ADAMTSL5: variants seen among roughly 807,000 people sequenced by gnomAD.
The protein encoded by ADAMTSL5 is ADAMTS like 5.
In ADAMTSL5, 53 loss-of-function variants were observed where a neutral mutation model predicts 51.7. That is an observed-to-expected ratio of 1.03 (90% CI 0.82 to 1.29). ADAMTSL5 has a LOEUF of 1.29. Among genes scored for constraint, ADAMTSL5 ranks in the 50% most tolerant of loss-of-function variants. ADAMTSL5 has a pLI of 0.00. For synonymous variants in ADAMTSL5, 285 were observed against 278.7 expected, an observed-to-expected ratio of 1.02 and a Z score of -0.23; for missense variants, 770 against 676.2, an observed-to-expected ratio of 1.14 and a Z score of -1.54.
In ADAMTSL5 at chr19:1,506,806, C is replaced by T; in HGVS notation, c.975G>A (p.Arg325=). Residue 325 remains arginine (R), a synonymous_variant, in exon 10 of 12, where the codon CGG becomes CGA. Coordinates refer to ENST00000330475, the MANE Select transcript of ADAMTSL5 (RefSeq NM_213604.3). This position sits in a 1 kb window ranked among gnomAD's most constrained non-coding sequence, Gnocchi z 5.6. ...CTGCGGGGGGCTGAGGCTCCACCCC[C>T]CGGGGCTGAGGCTGCCTCAGGGGCC... ...LGWPLRQPQP[R]GVEPQPPAAP... 6.5e-7 allele frequency: 1 copy of T among 1,541,670 alleles called. No homozygotes were observed. Among genetic ancestry groups the T allele is most frequent in the Non-Finnish European group, 8.7e-7 (1 of 1,144,406 alleles).
rs1049946257 is a variant in ADAMTSL5, at chr19:1,511,634, T to C, written c.-217-474A>G. The C allele has an allele frequency of 2.4e-6, 3 of 1,252,098 alleles. No homozygotes were observed. In the African/African-American group the frequency reaches 4.6e-5, roughly 19 times the overall value. The allele number at this position is 1,252,098 out of a possible 1,614,324, so 77.6% of individuals were successfully genotyped here. On this transcript the variant is annotated intron_variant, in intron 1 of 11. Transcript: ENST00000330475. ...CCATCACTGCTTCTACCTTTCCGTG[T>C]GGCCTGAGGCCAGCCACTCCACTCT...
Position 1,510,385 on chromosome 19 carries a change from G to C in ADAMTSL5, c.235C>G (p.Arg79Gly). 3 of 1,613,222 alleles carry C rather than the reference G, an allele frequency of 1.9e-6. No homozygotes were observed. The highest frequency in any genetic ancestry group is 2.5e-6 in the Non-Finnish European group (3 of 1,179,852). ...GGGCTTACTGGCAACTGGCAGAGGC[G>C]GTACTCATGGGAGTCTCCCCAGCAC... ...EPCWGDSHEY[R>G]LCQLPDCPPG... Residue 79 changes from arginine (R) to glycine (G), a missense_variant, in exon 4 of 12, where the codon CGC becomes GGC. Arg to Gly is a moderately radical substitution (Grantham distance 125, BLOSUM62 -2). Coordinates refer to ENST00000330475, the MANE Select transcript of ADAMTSL5 (RefSeq NM_213604.3).
At chr19:1,510,081 C>A (rs1255396191) in intron 5 of ADAMTSL5, 69 bp downstream of exon 5, 1 of 1,290,984 alleles carries the variant, frequency 7.7e-7, no homozygotes, top group Non-Finnish European at 1.1e-6. Flanking sequence ...CCCTCCAAGA[C>A]CCTCTCCCTG....
At chr19:1,507,014 T>A in intron 9 of ADAMTSL5, 86 bp from the exon 10 acceptor site, 1 of 1,409,528 alleles carries the variant, frequency 7.1e-7, no homozygotes, top group Non-Finnish European at 9.6e-7. Context: ...GCCTCCCCAC[T>A]TTGATCCTGT....
rs1454492913 is a variant in ADAMTSL5, at chr19:1,511,538, G to A, written c.-217-378C>T. 5.8e-6 allele frequency: 7 copies of A among 1,201,670 alleles called. No individual in the cohort carries two copies. In the East Asian group the frequency reaches 3.5e-4, roughly 61 times the overall value. 74.4% of individuals were successfully genotyped at this position (1,201,670 alleles called of 1,614,324 possible). A position where few individuals can be genotyped will look rare whatever the true frequency, so the allele number is the denominator to read the frequency against. ...AGTAGGTGCTTAATCGATGCTTGAT[G>A]ATTGGAGGGATCATTCAAAAATAGT... On this transcript the variant is annotated intron_variant, in intron 1 of 11. Transcript: ENST00000330475.
chr19:1,507,763 C>G, intron 7 of ADAMTSL5, 120 bp from the exon 8 acceptor site: 3 of 1,120,152 alleles, frequency 2.7e-6, no homozygotes, highest in Non-Finnish European at 3.9e-6. Flanking sequence ...AACCGGAAAA[C>G]CCTCCGTAAA....
At position 1,507,090 on chromosome 19, in the gene ADAMTSL5, C is replaced by T. The variant is rs567280583; in HGVS notation, c.852+152G>A. The T allele has an allele frequency of 2.5e-4, 309 of 1,236,268 alleles. No homozygotes were observed. The East Asian group carries it at 7.9e-3, about 31-fold the overall frequency. The allele number at this position is 1,236,268 out of a possible 1,614,324, so 76.6% of individuals were successfully genotyped here. A position where few individuals can be genotyped will look rare whatever the true frequency, so the allele number is the denominator to read the frequency against. On this transcript the variant is annotated intron_variant, in intron 9 of 11. Transcript: ENST00000330475. Reference sequence around the variant, plus strand: ...GATCCCCTCTGACCCTGTCCCCACCCTCCCCCCTCTGATGCTCTGTCCCAG... The same window carrying T: ...GATCCCCTCTGACCCTGTCCCCACCTTCCCCCCTCTGATGCTCTGTCCCAG...
Position 1,507,586 on chromosome 19 carries a change from C to T in ADAMTSL5, c.659G>A (p.Arg220His), listed in dbSNP as rs138308068. ...TLIPEGARHI[R>H]VEHRSRNHLA... ...GTGGTTGCGGCTCCTGTGTTCCACG[C>T]GGATGTGTCTGGCGCCCTCGGGGAT... is the stretch of plus-strand genomic sequence containing the variant. The change falls in exon 8 of 12, where the codon CGC becomes CAC. Residue 220 changes from arginine to histidine, a missense_variant. By Grantham distance (29) the Arg-to-His change is conservative. Transcript: ENST00000330475. The T allele has an allele frequency of 1.7e-5, 28 of 1,613,340 alleles. No homozygotes were observed. Among genetic ancestry groups the T allele is most frequent in the African/African-American group, 4.0e-5 (3 of 74,904 alleles).
chr19:1,511,298 G>C (rs977403135), intron 1 of ADAMTSL5, 138 bp from the exon 2 acceptor site: 1 of 172,290 alleles, frequency 5.8e-6, no homozygotes, highest in Non-Finnish European at 1.2e-5. Context: ...TCAGCATCCC[G>C]AGAAGCTAGG....
intron 1 of ADAMTSL5, chr19:1,511,915 G>C (rs1311376285): frequency 3.6e-5 from 8 of 225,196 alleles, no homozygotes; most frequent in South Asian, 1.5e-4. Flanking sequence ...ATCGGCGGAG[G>C]GGGTGGGACT....
Position 1,507,281 on chromosome 19 carries a change from C to T in ADAMTSL5, c.813G>A (p.Leu271=). Residue 271 remains leucine, a synonymous_variant, in exon 9 of 12, where the codon TTG becomes TTA. Coordinates refer to ENST00000330475, the MANE Select transcript of ADAMTSL5 (RefSeq NM_213604.3). ...CATGGGAGGTGGGCCCGGCTGCTTG[C>T]AATGTCTCCTGGGGCCCTGTGTCTC... ...YTRDTGPQET[L]QAAGPTSHDL... 1 of 1,567,678 alleles carries T rather than the reference C, an allele frequency of 6.4e-7. No individual in the cohort carries two copies. Among genetic ancestry groups the T allele is most frequent in the Non-Finnish European group, 8.6e-7 (1 of 1,157,046 alleles).
chr19:1,509,776 C>A (rs548819862), intron 5 of ADAMTSL5, among the ~76,000 whole-genome samples: 2 of 152,160 alleles, frequency 1.3e-5, no homozygotes, highest in Non-Finnish European at 2.9e-5. Flanking sequence ...TTCCCCATGG[C>A]GTGTGAAGCT....
chr19:1,510,508 C>G, intron 3 of ADAMTSL5, 80 bp from the exon 4 acceptor site: 1 of 1,515,050 alleles, frequency 6.6e-7, no homozygotes, highest in Non-Finnish European at 8.9e-7. Context: ...CCCCGCCAAC[C>G]CCACCCGCAT....
chr19:1,507,825 AC>A (rs1297338250), intron 7 of ADAMTSL5, among the ~76,000 whole-genome samples, 172 bp downstream of exon 7: 2 of 151,762 alleles, frequency 1.3e-5, no homozygotes, highest in East Asian at 1.9e-4. Flanking sequence ...AAGGGTTAAA[AC>A]CCCATCTGTC....
At chr19:1,507,940 C>A in intron 7 of ADAMTSL5, 58 bp downstream of exon 7, 2 of 1,513,456 alleles carry the variant, frequency 1.3e-6, no homozygotes, top group Non-Finnish European at 1.8e-6. Flanking sequence ...TTCCGGGCCA[C>A]GGCTCGTTAA....
In ADAMTSL5 at chr19:1,508,590, G is replaced by C. The variant is rs534485535; in HGVS notation, c.362-20C>G. On this transcript the variant is annotated intron_variant, in intron 5 of 11. Coordinates refer to ENST00000330475, the MANE Select transcript of ADAMTSL5 (RefSeq NM_213604.3). ...TGGGCGCTGAGGGCAGGAGGAGTCGGTGGGCCGGGGACCCCTGTTCGAGCT... is the reference window on the plus strand; with the variant it reads ...TGGGCGCTGAGGGCAGGAGGAGTCGCTGGGCCGGGGACCCCTGTTCGAGCT... 3 of 1,509,438 alleles carry C rather than the reference G, an allele frequency of 2.0e-6. No individual in the cohort carries two copies. Among genetic ancestry groups the C allele is most frequent in the South Asian group, 1.2e-5 (1 of 80,836 alleles). The allele number at this position is 1,509,438 out of a possible 1,614,324, so 93.5% of individuals were successfully genotyped here.
In ADAMTSL5 at chr19:1,505,717, A is replaced by G; in HGVS notation, c.*298T>C. On this transcript the variant is annotated 3_prime_UTR_variant, in exon 12 of 12. Coordinates refer to ENST00000330475, the MANE Select transcript of ADAMTSL5 (RefSeq NM_213604.3). The stretch of plus-strand genomic sequence containing the variant: ...GTGTGACGCGCGCAAAGAGAAAGAA[A>G]GCAGCGTTAAACTTTCTGAGTATAA... 1 of 359,454 alleles carries G rather than the reference A, an allele frequency of 2.8e-6. No individual in the cohort carries two copies. Among genetic ancestry groups the G allele is most frequent in the South Asian group, 6.8e-5 (1 of 14,742 alleles). The allele number at this position is 359,454 out of a possible 1,614,324, so 22.3% of individuals were successfully genotyped here.
rs777021374 is a variant in ADAMTSL5, at chr19:1,506,733, C to T, written c.1042+6G>A. 8.3e-6 allele frequency: 13 copies of T among 1,557,162 alleles called. No individual in the cohort carries two copies. The highest frequency in any genetic ancestry group is 1.1e-5 in the Non-Finnish European group (13 of 1,150,358). On this transcript the variant is annotated splice_donor_region_variant and intron_variant, in intron 10 of 11. Transcript: ENST00000330475. This position sits in a 1 kb window ranked among gnomAD's most constrained non-coding sequence, Gnocchi z 5.6. Reference sequence around the variant, plus strand: ...TCATCCCCCACCCTGGCTGTCCCCACCTCACCTGGGGCCAGCGTTGGGGTC... The same window carrying T: ...TCATCCCCCACCCTGGCTGTCCCCATCTCACCTGGGGCCAGCGTTGGGGTC...
At chr19:1,508,316 G>T in intron 6 of ADAMTSL5, 127 bp downstream of exon 6, 3 of 1,299,354 alleles carry the variant, frequency 2.3e-6, no homozygotes, top group East Asian at 2.7e-5. Flanking sequence ...TGGAAGGGGA[G>T]GGGGAAGGCG....
Sources: gnomAD v4.1 joint callset for allele counts (sites outside exome capture counted in the v4.1 genomes callset) on GRCh38, gnomAD v4.1.1 for gene constraint, Gnocchi (gnomAD v3.1) non-coding constraint, MANE v1.5 for transcripts, NCBI Gene and HGNC (gene_info 2026-07-23, HGNC 2026-07-21) for gene names.